The following ELOVL6 variants were observed in gnomAD, a reference collection of about 807,000 sequenced individuals.
ELOVL6 encodes very long chain fatty acid elongase 6.
ELOVL6 carries 8 observed loss-of-function variants against 31.7 expected under a neutral mutation model. The ratio of observed to expected loss-of-function variants is 0.25; its 90% CI spans 0.15 to 0.45. ELOVL6 has a LOEUF of 0.45. Ranked by LOEUF, ELOVL6 falls within the 20% of genes least tolerant of loss-of-function variation. The probability of loss-of-function intolerance (pLI) is 1.00; values close to 1 mark genes in which losing one functional copy is unlikely to be tolerated. For missense variants in ELOVL6, 126 were observed against 326.4 expected, an observed-to-expected ratio of 0.39 and a Z score of 4.73; for synonymous variants, 101 against 117.7, an observed-to-expected ratio of 0.86 and a Z score of 0.92.
chr4:110,095,703 T>C (rs1756562646), intron 2 of ELOVL6, among the ~76,000 whole-genome samples: 1 of 152,270 alleles, frequency 6.6e-6, no homozygotes, highest in East Asian at 1.9e-4. Context: ...CAATATGCTA[T>C]GTAGAATATC....
intron 1 of ELOVL6, among the ~76,000 whole-genome samples, chr4:110,190,817 T>C (rs1759593680): frequency 6.6e-6 from 1 of 151,402 alleles, no homozygotes; most frequent in Admixed American, 6.6e-5. Flanking sequence ...TTTTTTTTTT[T>C]TCAATTTTTG....
intron 1 of ELOVL6, among the ~76,000 whole-genome samples, chr4:110,186,364 T>G (rs558458881): frequency 6.6e-6 from 1 of 152,156 alleles, no homozygotes; most frequent in African/African-American, 2.4e-5. Flanking sequence ...CCCATCTCTC[T>G]CCTACCGGCC....
chr4:110,130,658 C>T (rs1757641375), intron 1 of ELOVL6, among the ~76,000 whole-genome samples: 1 of 152,166 alleles, frequency 6.6e-6, no homozygotes, highest in Non-Finnish European at 1.5e-5. Context: ...CAGTATTAAA[C>T]CAAAGTGTCC....
chr4:110,080,030 G>C (rs1755783456), intron 2 of ELOVL6, among the ~76,000 whole-genome samples: 1 of 152,102 alleles, frequency 6.6e-6, no homozygotes, highest in South Asian at 2.1e-4. Flanking sequence ...ACCCTCCCAA[G>C]ACTAAACCAG....
intron 1 of ELOVL6, among the ~76,000 whole-genome samples, chr4:110,108,170 C>A (rs1386840643): frequency 6.6e-6 from 1 of 152,188 alleles, no homozygotes; most frequent in Non-Finnish European, 1.5e-5. Flanking sequence ...ACCCTCTTTG[C>A]TTCTTTGAGA....
intron 2 of ELOVL6, among the ~76,000 whole-genome samples, chr4:110,090,885 G>A (rs773847535): frequency 2.6e-5 from 4 of 152,094 alleles, no homozygotes; most frequent in Non-Finnish European, 4.4e-5. Context: ...TTACAGGCGT[G>A]AGCCACCACT....
intron 1 of ELOVL6, among the ~76,000 whole-genome samples, chr4:110,186,822 A>AAAAAATAT (rs1553963193): frequency 1.7e-5 from 1 of 59,416 alleles, no homozygotes; most frequent in African/African-American, 6.7e-5. Flanking sequence ...AAAAAAAAAA[A>AAAAAATAT]ATATATATAT....
At chr4:110,087,885 T>C (rs979730738) in intron 2 of ELOVL6, among the ~76,000 whole-genome samples, 3 of 152,164 alleles carry the variant, frequency 2.0e-5, no homozygotes, top group African/African-American at 7.2e-5. Context: ...GGTAGCTTTG[T>C]CTAGTCAAAA....
chr4:110,147,031 G>C (rs868752297), intron 1 of ELOVL6: 1 of 153,670 alleles, frequency 6.5e-6, no homozygotes, highest in Middle Eastern at 3.4e-3. Flanking sequence ...TTAAGGATTT[G>C]GGTGTAGATT....
intron 1 of ELOVL6, chr4:110,117,903 A>AAAAATATATATATATATATATATAT: frequency 1.5e-4 from 1 of 6,504 alleles, no homozygotes; most frequent in Non-Finnish European, 3.7e-4. Context: ...AAAAAAAAAA[A>AAAAATATATATATATATATATATAT]ATATATATAT....
intron 1 of ELOVL6, among the ~76,000 whole-genome samples, chr4:110,153,022 C>T (rs960836623): frequency 1.6e-4 from 25 of 152,138 alleles, no homozygotes; most frequent in Admixed American, 9.8e-4. Context: ...CAGTAGTTGA[C>T]GAACCACTTC....
At chr4:110,175,529 C>T (rs913117350) in intron 1 of ELOVL6, among the ~76,000 whole-genome samples, 1 of 151,996 alleles carries the variant, frequency 6.6e-6, no homozygotes, top group Admixed American at 6.6e-5. Context: ...TCAATGATAA[C>T]AACATAACTA....
chr4:110,190,515 T>A (rs1419528083), intron 1 of ELOVL6, among the ~76,000 whole-genome samples: 1 of 152,194 alleles, frequency 6.6e-6, no homozygotes, highest in Non-Finnish European at 1.5e-5. Flanking sequence ...TTTGTTTTGT[T>A]TTGTTTTGAG....
At chr4:110,131,880 G>A (rs1370689671) in intron 1 of ELOVL6, among the ~76,000 whole-genome samples, 2 of 151,260 alleles carry the variant, frequency 1.3e-5, no homozygotes, top group Admixed American at 1.3e-4. Context: ...ATGGTATGAA[G>A]AGGATAGGGG....
At chr4:110,112,514 T>A (rs1295954525) in intron 1 of ELOVL6, among the ~76,000 whole-genome samples, 1 of 152,164 alleles carries the variant, frequency 6.6e-6, no homozygotes, top group Non-Finnish European at 1.5e-5. Flanking sequence ...AAAAAATCAG[T>A]TTTGAAGTTA....
At chr4:110,083,086 C>G (rs960714726) in intron 2 of ELOVL6, among the ~76,000 whole-genome samples, 1 of 151,490 alleles carries the variant, frequency 6.6e-6, no homozygotes, top group Non-Finnish European at 1.5e-5. Context: ...AAAAAAAAAG[C>G]AAACTTTTTC....
chr4:110,188,663 G>C (rs1014288971), intron 1 of ELOVL6, among the ~76,000 whole-genome samples: 1 of 152,008 alleles, frequency 6.6e-6, no homozygotes, highest in Admixed American at 6.6e-5. Context: ...CGAGGTGGGA[G>C]GATCACCTGA....
intron 2 of ELOVL6, among the ~76,000 whole-genome samples, chr4:110,105,080 A>G (rs908747872): frequency 6.6e-6 from 1 of 152,184 alleles, no homozygotes; most frequent in African/African-American, 2.4e-5. Context: ...TCTATGTCTA[A>G]GTGTCATCTT....
At chr4:110,097,126 C>T (rs7655273) in intron 2 of ELOVL6, among the ~76,000 whole-genome samples, 42,928 of 151,466 alleles carry the variant, frequency 0.28, 6,939 homozygotes, top group East Asian at 0.7. Flanking sequence ...GCCAAGATGG[C>T]GAAACCCTGC....
Sources: gnomAD v4.1 joint callset for allele counts (sites outside exome capture counted in the v4.1 genomes callset) on GRCh38, gnomAD v4.1.1 for gene constraint, MANE v1.5 for transcripts, NCBI Gene and HGNC (gene_info 2026-07-23, HGNC 2026-07-21) for gene names.